The following PTPRO variants were observed in gnomAD, a reference collection of about 807,000 sequenced individuals.
The protein encoded by PTPRO is receptor-type tyrosine-protein phosphatase O.
Under a neutral mutation model 145.2 loss-of-function variants are expected in PTPRO, and 62 were observed. The observed-to-expected ratio is 0.43, with a 90% CI of 0.35 to 0.53. PTPRO has a LOEUF of 0.53. Among genes scored for constraint, PTPRO ranks in the 20% least tolerant of loss-of-function variants. The probability of loss-of-function intolerance (pLI) is 0.01; values close to 1 mark genes in which losing one functional copy is unlikely to be tolerated. For synonymous variants in PTPRO, 565 were observed against 514.7 expected (o/e 1.10, Z -1.32); for missense variants, 1,345 against 1,482.7 (o/e 0.91, Z 1.53).
Position 15,598,108 on chromosome 12 carries a change from A to G in PTPRO, c.*2035A>G, listed in dbSNP as rs1746847595. 6.6e-6 allele frequency among the ~76,000 whole-genome samples: 1 copy of G among 152,190 alleles called. No individual in the cohort carries two copies. Among genetic ancestry groups the G allele is most frequent in the African/African-American group, 2.4e-5 (1 of 41,440 alleles). ...CAAGGTAGGGATCAAATAGTGCCAGATCAATTTTCCCAAAAGGAAAGAGGA... is the reference window on the plus strand; with the variant it reads ...CAAGGTAGGGATCAAATAGTGCCAGGTCAATTTTCCCAAAAGGAAAGAGGA... On this transcript the variant is annotated 3_prime_UTR_variant, in exon 27 of 27. Coordinates refer to ENST00000281171, the MANE Select transcript of PTPRO (RefSeq NM_030667.3).
intron 1 of PTPRO, among the ~76,000 whole-genome samples, chr12:15,440,828 G>C (rs1022434077): frequency 1.4e-4 from 22 of 152,296 alleles, no homozygotes; most frequent in African/African-American, 4.6e-4. Flanking sequence ...AAGAAGTCTT[G>C]ACTCTCATAA....
intron 1 of PTPRO, among the ~76,000 whole-genome samples, chr12:15,458,060 C>G (rs1416268452): frequency 6.6e-6 from 1 of 152,168 alleles, no homozygotes; most frequent in Non-Finnish European, 1.5e-5. Context: ...TGAATTTCCT[C>G]AGCTTGTGTT....
At chr12:15,436,211 A>G (rs1402669623) in intron 1 of PTPRO, among the ~76,000 whole-genome samples, 1 of 152,214 alleles carries the variant, frequency 6.6e-6, no homozygotes, top group Non-Finnish European at 1.5e-5. Flanking sequence ...ATCACAATTA[A>G]AAGAACTAGA....
intron 1 of PTPRO, among the ~76,000 whole-genome samples, chr12:15,424,300 C>G (rs1295209608): frequency 6.6e-6 from 1 of 152,028 alleles, no homozygotes; most frequent in African/African-American, 2.4e-5. Flanking sequence ...AATTTTTAAA[C>G]AGCATTTGAT....
intron 15 of PTPRO, 52 bp from the exon 16 acceptor site, chr12:15,557,403 T>A: frequency 6.8e-7 from 1 of 1,475,494 alleles, no homozygotes. Flanking sequence ...TAGGTCAACG[T>A]AAGAATGCTT....
At chr12:15,517,104 G>C (rs990673897) in intron 9 of PTPRO, 148 bp downstream of exon 9, 2 of 823,446 alleles carry the variant, frequency 2.4e-6, no homozygotes, top group African/African-American at 3.4e-5. Flanking sequence ...TGCTGATAAA[G>C]AAATAGCCAA....
chr12:15,495,756 T>A (rs1023572615), intron 2 of PTPRO, among the ~76,000 whole-genome samples: 2 of 152,130 alleles, frequency 1.3e-5, no homozygotes, highest in African/African-American at 2.4e-5. Flanking sequence ...TACAAAAAAA[T>A]TATTCATATA....
At chr12:15,533,825 C>A (rs145183926) in intron 12 of PTPRO, among the ~76,000 whole-genome samples, 9 of 152,222 alleles carry the variant, frequency 5.9e-5, no homozygotes, top group African/African-American at 2.2e-4. Flanking sequence ...AAGCTGGGGC[C>A]GTAACTGGTT....
intron 1 of PTPRO, among the ~76,000 whole-genome samples, chr12:15,425,140 C>T (rs1387142912): frequency 6.6e-6 from 1 of 152,096 alleles, no homozygotes; most frequent in South Asian, 2.1e-4. Context: ...CATCCTTTGT[C>T]ATTTTTGTTG....
At chr12:15,518,157 C>T (rs1942638696) in intron 9 of PTPRO, among the ~76,000 whole-genome samples, 1 of 152,236 alleles carries the variant, frequency 6.6e-6, no homozygotes, top group South Asian at 2.1e-4. Context: ...CTCCTGTGCA[C>T]CCACAGTCTC....
At chr12:15,589,968 AC>A (rs544364757) in intron 25 of PTPRO, among the ~76,000 whole-genome samples, 6 of 152,180 alleles carry the variant, frequency 3.9e-5, no homozygotes, top group Non-Finnish European at 8.8e-5. Context: ...TTGATTCAAT[AC>A]ATTTGTCATT....
chr12:15,462,077 G>A (rs952257727), intron 1 of PTPRO, among the ~76,000 whole-genome samples: 2 of 151,968 alleles, frequency 1.3e-5, no homozygotes, highest in Non-Finnish European at 2.9e-5. Context: ...ATCCCCTCTT[G>A]CCTGAAATAT....
At chr12:15,488,815 T>G (rs548343840) in intron 2 of PTPRO, among the ~76,000 whole-genome samples, 30 of 152,206 alleles carry the variant, frequency 2.0e-4, no homozygotes, top group Non-Finnish European at 3.2e-4. Flanking sequence ...CTGTGACATG[T>G]CATTAATATT....
intron 12 of PTPRO, among the ~76,000 whole-genome samples, chr12:15,544,285 A>C (rs11834841): frequency 3.9e-5 from 6 of 151,984 alleles, no homozygotes; most frequent in African/African-American, 1.4e-4. Context: ...CAGGCAGATC[A>C]CAAGGTCAGG....
At chr12:15,426,567 A>G (rs1412580388) in intron 1 of PTPRO, among the ~76,000 whole-genome samples, 1 of 152,046 alleles carries the variant, frequency 6.6e-6, no homozygotes, top group African/African-American at 2.4e-5. Flanking sequence ...CCATTCTCAC[A>G]TTTAAATGAC....
chr12:15,551,736 AT>A, intron 15 of PTPRO, 65 bp downstream of exon 15: 1 of 1,561,624 alleles, frequency 6.4e-7, no homozygotes, highest in African/African-American at 1.4e-5. Flanking sequence ...CCATATATAT[AT>A]TGTTTTTGCA....
intron 8 of PTPRO, among the ~76,000 whole-genome samples, 165 bp from the exon 9 acceptor site, chr12:15,516,598 G>C (rs868621402): frequency 2.5e-5 from 3 of 118,662 alleles, no homozygotes; most frequent in Non-Finnish European, 3.5e-5. Context: ...GGAAGGGGAG[G>C]AAGCAAGAAA....
At chr12:15,461,568 T>A (rs76008335) in intron 1 of PTPRO, among the ~76,000 whole-genome samples, 1 of 6,080 alleles carries the variant, frequency 1.6e-4, no homozygotes, top group South Asian at 0.5. Flanking sequence ...TGCTATAGCT[T>A]TTTTTTTTTT....
chr12:15,379,326 C>T (rs1938784646), intron 1 of PTPRO, among the ~76,000 whole-genome samples: 1 of 150,372 alleles, frequency 6.7e-6, no homozygotes, highest in African/African-American at 2.5e-5. Context: ...CAAGACCAGC[C>T]TTGCCAACAT....
Sources: allele counts gnomAD v4.1 joint callset (sites outside exome capture counted in the v4.1 genomes callset), GRCh38; gene constraint gnomAD v4.1.1; transcripts MANE v1.5; gene names NCBI Gene and HGNC (gene_info 2026-07-23, HGNC 2026-07-21).